Variants in LYST observed in about 807,000 individuals in gnomAD.
The protein encoded by LYST is lysosomal-trafficking regulator.
LYST carries 192 observed loss-of-function variants against 413.6 expected under a neutral mutation model. That is an observed-to-expected ratio of 0.46 (90% CI 0.41 to 0.52). The LOEUF (loss-of-function observed/expected upper bound fraction) is 0.52. LYST is among the 20% of genes least tolerant of loss of function. The pLI, the probability that LYST is intolerant of heterozygous loss-of-function variation, is 0.00. For synonymous variants in LYST, 1,525 were observed against 1,567.3 expected, an observed-to-expected ratio of 0.97 and a Z score of 0.64; for missense variants, 3,815 against 4,499.9, an observed-to-expected ratio of 0.85 and a Z score of 4.35.
chr1:235,804,408 T>A, intron 7 of LYST, 96 bp downstream of exon 7: 1 of 938,574 alleles, frequency 1.1e-6, no homozygotes, highest in Non-Finnish European at 1.8e-6. Flanking sequence ...CTAGTCCATA[T>A]GCTCTAATGA....
At chr1:235,742,064 C>T (rs1470519894) in intron 30 of LYST, among the ~76,000 whole-genome samples, 3 of 152,106 alleles carry the variant, frequency 2.0e-5, no homozygotes, top group African/African-American at 7.2e-5. Context: ...AACAGTCAAA[C>T]TCACAGAGAC....
At chr1:235,852,824 G>C (rs1033713563) in intron 1 of LYST, among the ~76,000 whole-genome samples, 1 of 152,168 alleles carries the variant, frequency 6.6e-6, no homozygotes, top group African/African-American at 2.4e-5. Context: ...AACTAAGGCA[G>C]ACAGCAGTTA....
intron 47 of LYST, among the ~76,000 whole-genome samples, chr1:235,687,883 T>C (rs1309462380): frequency 1.3e-5 from 2 of 152,220 alleles, no homozygotes; most frequent in Non-Finnish European, 2.9e-5. Flanking sequence ...AGAAACCTTG[T>C]TTTCTTTTTC....
intron 50 of LYST, among the ~76,000 whole-genome samples, chr1:235,671,843 T>C (rs1658968797): frequency 6.6e-6 from 1 of 152,224 alleles, no homozygotes; most frequent in African/African-American, 2.4e-5. Context: ...TTTACCTTTA[T>C]GAAATATAGA....
Position 235,664,573 on chromosome 1 carries a change from A to G in LYST, c.11087T>C (p.Val3696Ala), listed in dbSNP as rs750716679. Residue 3696 changes from valine (V) to alanine (A), a missense_variant, in exon 51 of 53, where the codon GTT becomes GCT. Coordinates refer to ENST00000389793, the MANE Select transcript of LYST (RefSeq NM_000081.4). The surrounding 1 kb of genome is among the most constrained non-coding windows in gnomAD (Gnocchi z 4.5). The part of the protein sequence containing the change: ...LRLWTVNGDL[V>A]GHVHCREIIC... ...GATCTCCCTGCAGTGGACATGTCCA[A>G]CGAGATCCCCGTTCACCGTCCAGAG... 6.2e-7 allele frequency: 1 copy of G among 1,614,142 alleles called. No homozygotes were observed. The highest frequency in any genetic ancestry group is 8.5e-7 in the Non-Finnish European group (1 of 1,180,004).
chr1:235,815,500 T>C (rs1415630041), intron 3 of LYST, among the ~76,000 whole-genome samples: 1 of 152,120 alleles, frequency 6.6e-6, no homozygotes, highest in African/African-American at 2.4e-5. Flanking sequence ...CTAGCAAGTA[T>C]ATGAAGTGCT....
At chr1:235,675,411 C>T (rs993442364) in intron 50 of LYST, among the ~76,000 whole-genome samples, 1 of 152,184 alleles carries the variant, frequency 6.6e-6, no homozygotes, top group Admixed American at 6.5e-5. Context: ...GCAACAGGAG[C>T]TGTGTTAGGG....
chr1:235,666,015 TTCTG>T (rs139241715), intron 50 of LYST, among the ~76,000 whole-genome samples: 3,727 of 152,266 alleles, frequency 0.024, 145 homozygotes, highest in African/African-American at 0.085. Context: ...GAGGCTTTGC[TTCTG>T]TCTTTTATTA....
At chr1:235,806,855 G>T in intron 5 of LYST, 83 bp from the exon 6 acceptor site, 1 of 890,496 alleles carries the variant, frequency 1.1e-6, no homozygotes, top group Non-Finnish European at 1.8e-6. Context: ...TTAATATATC[G>T]CTATTGCATG....
chr1:235,731,556 ATT>A (rs61633038), intron 34 of LYST, among the ~76,000 whole-genome samples: 95 of 121,416 alleles, frequency 7.8e-4, no homozygotes, highest in African/African-American at 2.1e-3. Flanking sequence ...CCCATTTTGC[ATT>A]TTTTTTTTTT....
At position 235,777,289 on chromosome 1, in the gene LYST, T is replaced by C; in HGVS notation, c.5234A>G (p.Tyr1745Cys). The C allele has an allele frequency of 6.2e-7, 1 of 1,612,768 alleles. No homozygotes were observed. Among genetic ancestry groups the C allele is most frequent in the Non-Finnish European group, 8.5e-7 (1 of 1,178,940 alleles). ...ATACTGAGCAGGACAGTAAGTTGTA[T>C]AAACAACTGAAAGACTTTCCTGAAA... Reference protein sequence around the residue: ...GLLIESLSVVYTTYCPAQYTI... With the variant: ...GLLIESLSVVCTTYCPAQYTI... The change falls in exon 17 of 53, where the codon TAT (tyrosine) becomes TGT (cysteine). Residue 1745 changes from tyrosine (Y) to cysteine (C), a missense_variant. By Grantham distance (194) the Tyr-to-Cys change is radical. Transcript: ENST00000389793.
intron 45 of LYST, among the ~76,000 whole-genome samples, chr1:235,698,385 CTATT>C (rs1222527703): frequency 6.6e-6 from 1 of 152,072 alleles, no homozygotes. Context: ...TTCTGTCAGA[CTATT>C]TAGGGGACAT....
chr1:235,812,431 C>G (rs185804811), intron 4 of LYST, among the ~76,000 whole-genome samples: 1 of 150,750 alleles, frequency 6.6e-6, no homozygotes, highest in African/African-American at 2.4e-5. Flanking sequence ...TGCTTGAACT[C>G]GGGAGGCTGA....
rs566016293 is a variant in LYST, at chr1:235,712,668, C to T, written c.9785-471G>A. The stretch of plus-strand genomic sequence containing the variant: ...TGAATTGTTAAGACTACTTTTTCTC[C>T]TTTCTTTTCTTTCTTTCTTTTTTTT... On this transcript the variant is annotated intron_variant, in intron 42 of 52. Coordinates refer to ENST00000389793, the MANE Select transcript of LYST (RefSeq NM_000081.4). 5 of 985,084 alleles carry T rather than the reference C, an allele frequency of 5.1e-6. No individual in the cohort carries two copies. In the African/African-American group the frequency reaches 5.2e-5, roughly 10 times the overall value. The allele number at this position is 985,084 out of a possible 1,614,324, so 61.0% of individuals were successfully genotyped here.
chr1:235,717,129 T>C (rs1314484424), intron 40 of LYST, among the ~76,000 whole-genome samples: 1 of 152,182 alleles, frequency 6.6e-6, no homozygotes, highest in Non-Finnish European at 1.5e-5. Context: ...GCCCTGAAAG[T>C]TAGTGTCCCA....
chr1:235,854,663 C>T lies in LYST; in HGVS notation c.-98+12180G>A, dbSNP rs559472773. ...AGTTGTTGCGAATATCAACATTAAA[C>T]GAGATAATTCATGTAAAATGCATAG... On this transcript the variant is annotated intron_variant, in intron 1 of 52. Transcript: ENST00000389793. The surrounding 1 kb of genome is among the most constrained non-coding windows in gnomAD (Gnocchi z 4.1). Among the ~76,000 whole-genome samples, 3 of 152,126 alleles carry T rather than the reference C, an allele frequency of 2.0e-5. No homozygotes were observed. Among genetic ancestry groups the T allele is most frequent in the Non-Finnish European group, 2.9e-5 (2 of 68,028 alleles).
intron 48 of LYST, among the ~76,000 whole-genome samples, chr1:235,681,069 G>T (rs1470877742): frequency 6.6e-6 from 1 of 152,162 alleles, no homozygotes; most frequent in Non-Finnish European, 1.5e-5. Flanking sequence ...AGGAGTGAGG[G>T]CTACCAAAGA....
Position 235,780,913 on chromosome 1 carries a change from G to T in LYST, c.5166C>A (p.Ile1722=). The T allele has an allele frequency of 6.3e-7, 1 of 1,585,396 alleles. No homozygotes were observed. Among genetic ancestry groups the T allele is most frequent in the Non-Finnish European group, 8.6e-7 (1 of 1,160,236 alleles). The stretch of plus-strand genomic sequence containing the variant: ...CTTTCTTGGTCATAAAAAGTTCTCT[G>T]ATTTGTTCACATCGCAAAATTTCTT... ...INKEILRCEQ[I]RELFMTKKDV... The change falls in exon 16 of 53, where the codon ATC becomes ATA. Residue 1722 remains isoleucine (I), a synonymous_variant. Transcript: ENST00000389793.
At chr1:235,793,472 G>A (rs2103535186) in intron 11 of LYST, 31 bp downstream of exon 11, 1 of 1,004,408 alleles carries the variant, frequency 1.0e-6, no homozygotes, top group East Asian at 2.4e-5. Flanking sequence ...GAATTTATCA[G>A]TGAAAAATGT....
Sources: gnomAD v4.1 joint callset for allele counts (sites outside exome capture counted in the v4.1 genomes callset) on GRCh38, gnomAD v4.1.1 for gene constraint, Gnocchi (gnomAD v3.1) non-coding constraint, MANE v1.5 for transcripts, NCBI Gene and HGNC (gene_info 2026-07-23, HGNC 2026-07-21) for gene names.